The following HDAC4 variants were observed in gnomAD, a reference collection of about 807,000 sequenced individuals.
HDAC4 encodes the protein histone deacetylase A.
In HDAC4, 16 loss-of-function variants were observed where a neutral mutation model predicts 135.1. The ratio of observed to expected loss-of-function variants is 0.12; its 90% CI spans 0.08 to 0.18. HDAC4 has a LOEUF of 0.18. Ranked by LOEUF, HDAC4 falls within the 10% of genes least tolerant of loss-of-function variation. HDAC4 has a pLI of 1.00. For synonymous variants in HDAC4, 685 were observed against 653.4 expected (o/e 1.05, Z -0.74); for missense variants, 1,143 against 1,511.8 (o/e 0.76, Z 4.05).
At chr2:239,267,114 T>C (rs960127555) in intron 2 of HDAC4, among the ~76,000 whole-genome samples, 4 of 152,172 alleles carry the variant, frequency 2.6e-5, no homozygotes, top group African/African-American at 9.7e-5. Flanking sequence ...CTTGACCACC[T>C]AGCACTCCTG....
chr2:239,199,655 G>A (rs1575387107), intron 3 of HDAC4, among the ~76,000 whole-genome samples: 1 of 152,134 alleles, frequency 6.6e-6, no homozygotes, highest in Non-Finnish European at 1.5e-5. Flanking sequence ...TGGATCGGGC[G>A]GCCCTCCAGA....
intron 1 of HDAC4, among the ~76,000 whole-genome samples, chr2:239,381,615 G>A (rs1283894187): frequency 6.6e-6 from 1 of 152,190 alleles, no homozygotes; most frequent in East Asian, 1.9e-4. Flanking sequence ...CTGGGCAAAT[G>A]CGGTGCCATT....
intron 2 of HDAC4, among the ~76,000 whole-genome samples, chr2:239,310,079 G>A (rs1410222478): frequency 6.6e-6 from 1 of 152,252 alleles, no homozygotes; most frequent in African/African-American, 2.4e-5. Flanking sequence ...TCTGTGCGTA[G>A]AGGTGCTCAG....
chr2:239,333,402 C>T (rs926302717), intron 2 of HDAC4, among the ~76,000 whole-genome samples: 11 of 152,090 alleles, frequency 7.2e-5, no homozygotes, highest in African/African-American at 2.7e-4. Flanking sequence ...AAGAAAGCAA[C>T]TTCATATTTT....
intron 2 of HDAC4, among the ~76,000 whole-genome samples, chr2:239,336,811 T>C (rs1216474846): frequency 6.6e-6 from 1 of 152,254 alleles, no homozygotes; most frequent in Non-Finnish European, 1.5e-5. Context: ...ACTAAAATTC[T>C]AGAGTTTAGG....
At chr2:239,236,733 G>T in intron 2 of HDAC4, 69 bp from the exon 3 acceptor site, 1 of 1,171,850 alleles carries the variant, frequency 8.5e-7, no homozygotes, top group Non-Finnish European at 1.3e-6. Context: ...TATGCTGGGA[G>T]TCTGCAGGGA....
intron 16 of HDAC4, among the ~76,000 whole-genome samples, chr2:239,096,404 C>A (rs1174344928): frequency 1.5e-5 from 2 of 137,062 alleles, no homozygotes; most frequent in African/African-American, 5.5e-5. Context: ...CCCACAGACG[C>A]CTGCACCATC....
chr2:239,237,829 GA>G (rs1220406634), intron 2 of HDAC4, among the ~76,000 whole-genome samples: 1 of 152,064 alleles, frequency 6.6e-6, no homozygotes, highest in East Asian at 1.9e-4. Flanking sequence ...TCAAAATGAA[GA>G]CAACAACAAA....
At chr2:239,154,296 C>T (rs2042287172) in intron 7 of HDAC4, among the ~76,000 whole-genome samples, 1 of 152,124 alleles carries the variant, frequency 6.6e-6, no homozygotes, top group South Asian at 2.1e-4. Flanking sequence ...AGTCTGAGTG[C>T]CACAGCCATC....
chr2:239,215,023 T>C (rs935001225), intron 3 of HDAC4, among the ~76,000 whole-genome samples: 1 of 152,142 alleles, frequency 6.6e-6, no homozygotes. Context: ...CTCTAGGATC[T>C]GGAAGGCAGG....
chr2:239,272,969 A>T (rs1450415500), intron 2 of HDAC4, among the ~76,000 whole-genome samples: 2 of 152,212 alleles, frequency 1.3e-5, no homozygotes, highest in African/African-American at 4.8e-5. Context: ...GTCAGAGACC[A>T]GACCTGCAGG....
chr2:239,268,262 A>C (rs937986787), intron 2 of HDAC4, among the ~76,000 whole-genome samples: 9 of 151,994 alleles, frequency 5.9e-5, no homozygotes, highest in Admixed American at 2.0e-4. Flanking sequence ...GGTGGCCAGG[A>C]CGGTGGCCCT....
chr2:239,373,619 A>C (rs765526396), intron 1 of HDAC4, among the ~76,000 whole-genome samples: 3 of 151,996 alleles, frequency 2.0e-5, no homozygotes, highest in Non-Finnish European at 4.4e-5. Flanking sequence ...GTGCACCACC[A>C]CGCCCAGCTA....
chr2:239,395,547 T>G (rs544125139), intron 1 of HDAC4, among the ~76,000 whole-genome samples: 17 of 152,372 alleles, frequency 1.1e-4, no homozygotes, highest in African/African-American at 3.8e-4. Flanking sequence ...AAATTACTAC[T>G]GTAAAAAAGT....
chr2:239,057,951 T>A (rs2032125419), intron 24 of HDAC4, among the ~76,000 whole-genome samples: 1 of 152,176 alleles, frequency 6.6e-6, no homozygotes, highest in African/African-American at 2.4e-5. Context: ...GAAACACCAG[T>A]CAGTGATATA....
intron 18 of HDAC4, among the ~76,000 whole-genome samples, chr2:239,088,964 C>T (rs1460386064): frequency 1.3e-5 from 2 of 152,110 alleles, no homozygotes; most frequent in African/African-American, 2.4e-5. Context: ...AAATGACCAA[C>T]GCACGGTGCT....
intron 2 of HDAC4, among the ~76,000 whole-genome samples, chr2:239,274,896 G>A (rs762833559): frequency 6.6e-6 from 1 of 152,240 alleles, no homozygotes; most frequent in Non-Finnish European, 1.5e-5. Context: ...TTGGTTTGAA[G>A]GAGGGGAGGG....
At chr2:239,151,322 A>G (rs555996403) in intron 7 of HDAC4, among the ~76,000 whole-genome samples, 3 of 152,316 alleles carry the variant, frequency 2.0e-5, no homozygotes, top group African/African-American at 7.2e-5. Context: ...ACACAACGGG[A>G]GGTCATCTAG....
In HDAC4 at chr2:239,352,830, G is replaced by T; in HGVS notation, c.-131C>A. 1.1e-6 allele frequency: 1 copy of T among 945,478 alleles called. No individual in the cohort carries two copies. Among genetic ancestry groups the T allele is most frequent in the Non-Finnish European group, 1.7e-6 (1 of 600,568 alleles). The allele number at this position is 945,478 out of a possible 1,614,324, so 58.6% of individuals were successfully genotyped here. A position where few individuals can be genotyped will look rare whatever the true frequency, so the allele number is the denominator to read the frequency against. On this transcript the variant is annotated 5_prime_UTR_variant, in exon 2 of 27. Coordinates refer to ENST00000543185, the MANE Select transcript of HDAC4 (RefSeq NM_001378414.1). This position sits in a 1 kb window ranked among gnomAD's most constrained non-coding sequence, Gnocchi z 4.4. Reference sequence around the variant, plus strand: ...GGACGGTGAGGGCTGGGTCACAGACGTTCAAGCGCCGAGCCTCGCCGGCAA... The same window carrying T: ...GGACGGTGAGGGCTGGGTCACAGACTTTCAAGCGCCGAGCCTCGCCGGCAA...
Sources: gnomAD v4.1 joint callset for allele counts (sites outside exome capture counted in the v4.1 genomes callset) on GRCh38, gnomAD v4.1.1 for gene constraint, Gnocchi (gnomAD v3.1) non-coding constraint, MANE v1.5 for transcripts, NCBI Gene and HGNC (gene_info 2026-07-23, HGNC 2026-07-21) for gene names.